TNFRSF14: variants seen among roughly 807,000 people sequenced by gnomAD.
TNFRSF14 encodes the protein tumor necrosis factor receptor superfamily member 14.
A neutral mutation model predicts 34.1 loss-of-function variants in TNFRSF14; 18 were observed. That is an observed-to-expected ratio of 0.53 (90% CI 0.36 to 0.78). TNFRSF14 has a LOEUF of 0.78. TNFRSF14 is among the 30% of genes least tolerant of loss of function. The pLI is 0.00. For synonymous variants in TNFRSF14, 157 were observed against 153.2 expected, an observed-to-expected ratio of 1.02 and a Z score of -0.18; for missense variants, 352 against 379.5, an observed-to-expected ratio of 0.93 and a Z score of 0.60.
At position 2,558,369 on chromosome 1, in the gene TNFRSF14, G is replaced by T; in HGVS notation, c.205G>T (p.Glu69Ter). The change falls in exon 3 of 8, where the codon GAG becomes TAG. Residue 69 changes from glutamate to a stop codon, truncating the protein, a stop_gained. Coordinates refer to ENST00000355716, the MANE Select transcript of TNFRSF14 (RefSeq NM_003820.4). LOFTEE classifies it high-confidence loss of function. Reference protein sequence around the residue: ...PGYRVKEACGELTGTVCEPCP... With the variant: ...PGYRVKEACG ...TTATCGTGTGAAGGAGGCCTGCGGG[G>T]AGCTGACGGGCACAGTGTGTGAACC... 6.2e-7 allele frequency: 1 copy of T among 1,610,458 alleles called. No homozygotes were observed. The highest frequency in any genetic ancestry group is 8.5e-7 in the Non-Finnish European group (1 of 1,178,692).
intron 1 of TNFRSF14, 200 bp downstream of exon 1, chr1:2,556,933 AG>A (rs1226138816): frequency 1.8e-6 from 1 of 555,510 alleles, no homozygotes; most frequent in African/African-American, 1.9e-5. Context: ...GCAGAGCCAC[AG>A]CCCTACCCAG....
intron 3 of TNFRSF14, 175 bp downstream of exon 3, chr1:2,558,643 G>A (rs951819186): frequency 2.5e-5 from 32 of 1,302,390 alleles, no homozygotes; most frequent in African/African-American, 1.0e-4. Context: ...GTCAGCCTCC[G>A]GCCCCCGTCC....
intron 3 of TNFRSF14, chr1:2,559,275 G>A (rs1043511626): frequency 1.5e-6 from 2 of 1,367,446 alleles, no homozygotes; most frequent in Non-Finnish European, 9.6e-7. Context: ...CTCCCCTCTT[G>A]TGAAAGCACC....
intron 2 of TNFRSF14, among the ~76,000 whole-genome samples, 175 bp from the exon 3 acceptor site, chr1:2,558,168 C>T (rs181898858): frequency 6.6e-6 from 1 of 152,330 alleles, no homozygotes; most frequent in African/African-American, 2.4e-5. Context: ...CGATTTTCCC[C>T]AGAGCAGCTC....
At chr1:2,555,863 C>G (rs1438214533), upstream of TNFRSF14, 1 of 155,982 alleles carries the variant, frequency 6.4e-6, no homozygotes, top group Non-Finnish European at 1.4e-5. The surrounding 1 kb of genome is among the most constrained non-coding windows in gnomAD (Gnocchi z 6.3). Flanking sequence ...CTCCCTACCA[C>G]CAGGCTCTGT....
chr1:2,556,023 CA>C (rs967066539), upstream of TNFRSF14: 1 of 233,400 alleles, frequency 4.3e-6, no homozygotes, highest in African/African-American at 2.3e-5. Context: ...CCACCCCTCC[CA>C]GGGGACGGGT....
chr1:2,557,688 G>A, intron 1 of TNFRSF14, 38 bp from the exon 2 acceptor site: 1 of 1,496,914 alleles, frequency 6.7e-7, no homozygotes, highest in Non-Finnish European at 9.1e-7. Flanking sequence ...CCACAGGGCA[G>A]CCAGGGCATC....
intron 1 of TNFRSF14, 84 bp downstream of exon 1, chr1:2,556,817 CT>C (rs1279756743): frequency 7.3e-7 from 1 of 1,371,652 alleles, no homozygotes; most frequent in Admixed American, 2.7e-5. Flanking sequence ...CCCCATGCCC[CT>C]GTCCTGGCCG....
At chr1:2,562,731 T>C in intron 6 of TNFRSF14, 134 bp from the exon 7 acceptor site, 2 of 1,164,590 alleles carry the variant, frequency 1.7e-6, no homozygotes. Context: ...TCAGAGAGGG[T>C]CAGTCCCTTG....
Position 2,561,086 on chromosome 1 carries a change from C to T in TNFRSF14, c.551+372C>T, listed in dbSNP as rs1028134795. ...GGGGTTGGGGAAAGTGAACACTCTG[C>T]TCTTTGTCCACCTTCGGGAGGACAC... is the stretch of plus-strand genomic sequence containing the variant. On this transcript the variant is annotated intron_variant, in intron 5 of 7. Transcript: ENST00000355716. This position sits in a 1 kb window ranked among gnomAD's most constrained non-coding sequence, Gnocchi z 6.0. The T allele has an allele frequency of 1.2e-5, 4 of 339,970 alleles. No homozygotes were observed. In the East Asian group the frequency reaches 1.5e-4, roughly 12 times the overall value. 21.1% of individuals were successfully genotyped at this position (339,970 alleles called of 1,614,324 possible).
intron 5 of TNFRSF14, 164 bp downstream of exon 5, chr1:2,560,878 T>C: frequency 1.6e-6 from 1 of 635,028 alleles, no homozygotes; most frequent in Non-Finnish European, 2.8e-6. Context: ...GGCTGAAGCC[T>C]GTGTGCCCCA....
intron 6 of TNFRSF14, chr1:2,562,643 C>A: frequency 1.6e-6 from 1 of 644,708 alleles, no homozygotes; most frequent in South Asian, 1.8e-5. Flanking sequence ...GCCGGGCGCC[C>A]CCAGTCCTAT....
Position 2,559,218 on chromosome 1 carries a change from T to C in TNFRSF14, c.305-605T>C, listed in dbSNP as rs1570586601. ...GCTTTGGGGGTTCATGCATGTAGGCTGGGATTTGGGGCTCACACCTCAACC... is the reference window on the plus strand; with the variant it reads ...GCTTTGGGGGTTCATGCATGTAGGCCGGGATTTGGGGCTCACACCTCAACC... On this transcript the variant is annotated intron_variant, in intron 3 of 7. Transcript: ENST00000355716. 2.2e-6 allele frequency: 3 copies of C among 1,369,900 alleles called. No individual in the cohort carries two copies. The South Asian group carries it at 3.7e-5, about 17-fold the overall frequency. The allele number at this position is 1,369,900 out of a possible 1,614,324, so 84.9% of individuals were successfully genotyped here.
Position 2,558,341 on chromosome 1 carries a change from A to C in TNFRSF14, c.179-2A>C. 6.3e-7 allele frequency: 1 copy of C among 1,597,960 alleles called. No homozygotes were observed. Among genetic ancestry groups the C allele is most frequent in the South Asian group, 1.1e-5 (1 of 89,454 alleles). The stretch of plus-strand genomic sequence containing the variant: ...GCGAAGTTCCCACTCTCTGGGCGGC[A>C]GGTTATCGTGTGAAGGAGGCCTGCG... On this transcript the variant is annotated splice_acceptor_variant, in intron 2 of 7. Transcript: ENST00000355716. LOFTEE classifies it high-confidence loss of function.
At chr1:2,558,741 TG>T in intron 3 of TNFRSF14, 1 of 1,178,446 alleles carries the variant, frequency 8.5e-7, no homozygotes, top group Non-Finnish European at 1.1e-6. Context: ...TTGGCTCCTC[TG>T]GTGCCCGGGG....
At chr1:2,557,881 C>T in intron 2 of TNFRSF14, 47 bp downstream of exon 2, 1 of 1,456,590 alleles carries the variant, frequency 6.9e-7, no homozygotes, top group South Asian at 1.2e-5. Context: ...CGAGGGCAGA[C>T]ACTCTTGCCC....
intron 2 of TNFRSF14, 96 bp downstream of exon 2, chr1:2,557,930 A>T: frequency 2.8e-6 from 3 of 1,059,596 alleles, no homozygotes; most frequent in South Asian, 3.2e-5. Context: ...CTGCCCCCAC[A>T]GCCATGGGTG....
chr1:2,558,458 G>T lies in TNFRSF14; in HGVS notation c.294G>T (p.Met98Ile). 1 of 1,613,204 alleles carries T rather than the reference G, an allele frequency of 6.2e-7. No individual in the cohort carries two copies. The highest frequency in any genetic ancestry group is 1.1e-5 in the South Asian group (1 of 91,064). ...TAAGCAAGTGTCTGCAGTGCCAAAT[G>T]TGTGACCCAGGTAAGAGGCCAGCAC... The part of the protein sequence containing the change: ...NGLSKCLQCQ[M>I]CDPAMGLRAS... The change falls in exon 3 of 8, where the codon ATG becomes ATT. Residue 98 changes from methionine to isoleucine, a missense_variant. Transcript: ENST00000355716.
At chr1:2,562,682 C>T (rs1177601343) in intron 6 of TNFRSF14, 183 bp from the exon 7 acceptor site, 1 of 791,060 alleles carries the variant, frequency 1.3e-6, no homozygotes, top group African/African-American at 1.7e-5. Flanking sequence ...TGGGGACAGG[C>T]TGGGCTAGCA....
Sources: gnomAD v4.1 joint callset for allele counts (sites outside exome capture counted in the v4.1 genomes callset) on GRCh38, gnomAD v4.1.1 for gene constraint, Gnocchi (gnomAD v3.1) non-coding constraint, MANE v1.5 for transcripts, NCBI Gene and HGNC (gene_info 2026-07-23, HGNC 2026-07-21) for gene names.